TMED8: variants seen among roughly 807,000 people sequenced by gnomAD.
The protein encoded by TMED8 is protein TMED8.
Under a neutral mutation model 32.7 loss-of-function variants are expected in TMED8, and 15 were observed. That is an observed-to-expected ratio of 0.46 (90% CI 0.31 to 0.71). The LOEUF (loss-of-function observed/expected upper bound fraction) is 0.71, where lower values mean the gene tolerates loss of function less well. Among genes scored for constraint, TMED8 ranks in the 30% least tolerant of loss-of-function variants. The pLI, the probability that TMED8 is intolerant of heterozygous loss-of-function variation, is 0.06. For missense variants in TMED8, 390 were observed against 423.9 expected (o/e 0.92, Z 0.70); for synonymous variants, 147 against 161.4 (o/e 0.91, Z 0.68).
At chr14:77,344,039 G>C (rs1232772660) in intron 3 of TMED8, among the ~76,000 whole-genome samples, 2 of 152,148 alleles carry the variant, frequency 1.3e-5, no homozygotes, top group African/African-American at 4.8e-5. Flanking sequence ...ATTGTTTAAA[G>C]ACTGTTTCCT....
Position 77,354,752 on chromosome 14 carries a change from A to G in TMED8, c.119-3001T>C, listed in dbSNP as rs536340068. Among the ~76,000 whole-genome samples, 143 of 152,240 alleles carry G rather than the reference A, an allele frequency of 9.4e-4. 1 individual carries two copies. Among genetic ancestry groups the G allele is most frequent in the Non-Finnish European group, 1.7e-3 (114 of 68,004 alleles). On this transcript the variant is annotated intron_variant, in intron 1 of 5. Transcript: ENST00000216468. ...GTGGATCACCTGAGGTCAGGAGTTCAAGACCAGCCCGGCCAACACGGCAAA... is the reference window on the plus strand; with the variant it reads ...GTGGATCACCTGAGGTCAGGAGTTCGAGACCAGCCCGGCCAACACGGCAAA...
At chr14:77,364,624 C>A (rs142028334) in intron 1 of TMED8, among the ~76,000 whole-genome samples, 2 of 152,088 alleles carry the variant, frequency 1.3e-5, no homozygotes, top group Non-Finnish European at 2.9e-5. Context: ...AACTCTTGGG[C>A]TCAAGTGATC....
intron 1 of TMED8, 129 bp from the exon 2 acceptor site, chr14:77,351,880 A>G: frequency 3.3e-6 from 2 of 611,982 alleles, no homozygotes; most frequent in Non-Finnish European, 5.4e-6. Flanking sequence ...TGAACTTTAT[A>G]CTCTCAGAGG....
chr14:77,350,418 A>T (rs1240997777), intron 2 of TMED8, among the ~76,000 whole-genome samples: 1 of 152,222 alleles, frequency 6.6e-6, no homozygotes, highest in Non-Finnish European at 1.5e-5. Context: ...CCCAACAAAC[A>T]TCTGTTGAAT....
At chr14:77,363,422 TATAAC>T (rs1401207698) in intron 1 of TMED8, among the ~76,000 whole-genome samples, 10 of 152,032 alleles carry the variant, frequency 6.6e-5, no homozygotes, top group African/African-American at 1.9e-4. Context: ...AGAATGGAAA[TATAAC>T]ATACTAAAAC....
intron 2 of TMED8, among the ~76,000 whole-genome samples, chr14:77,348,262 C>T (rs940171433): frequency 4.7e-5 from 7 of 148,356 alleles, no homozygotes; most frequent in Admixed American, 1.4e-4. Flanking sequence ...CTCACTCTGT[C>T]GCCCAGGCTG....
At position 77,343,271 on chromosome 14, in the gene TMED8, A is replaced by G. The variant is rs755448104; in HGVS notation, c.667T>C (p.Trp223Arg). 2.5e-6 allele frequency: 4 copies of G among 1,614,190 alleles called. No homozygotes were observed. Among genetic ancestry groups the G allele is most frequent in the Non-Finnish European group, 3.4e-6 (4 of 1,180,038 alleles). Residue 223 changes from tryptophan (W) to arginine (R), a missense_variant, in exon 5 of 6, where the codon TGG becomes CGG. By Grantham distance (101) the Trp-to-Arg change is moderately radical. Transcript: ENST00000216468. ...YDIGFGVYFD[W>R]TPVTSTDITV... ...ATGTCAGTGCTAGTTACAGGGGTCC[A>G]GTCAAAATAAACTCCAAAGCCAATG... is the stretch of plus-strand genomic sequence containing the variant.
rs148766827 is a variant in TMED8, at chr14:77,359,826, G to C, written c.119-8075C>G. Reference sequence around the variant, plus strand: ...TGTGGTACAGGATGATATCATCATGGGCACTCTGACAGTGAGAAAAAATTT... The same window carrying C: ...TGTGGTACAGGATGATATCATCATGCGCACTCTGACAGTGAGAAAAAATTT... On this transcript the variant is annotated intron_variant, in intron 1 of 5. Transcript: ENST00000216468. The C allele has an allele frequency of 6.8e-3, 1,309 of 191,794 alleles. 9 individuals are homozygous for C. The highest frequency in any genetic ancestry group is 0.033 in the Middle Eastern group (54 of 1,658). The allele number at this position is 191,794 out of a possible 1,614,324, so 11.9% of individuals were successfully genotyped here.
intron 1 of TMED8, among the ~76,000 whole-genome samples, chr14:77,372,361 G>GT (rs1370115976): frequency 1.3e-5 from 2 of 152,220 alleles, no homozygotes; most frequent in Admixed American, 6.5e-5. Context: ...CAAAAAGCAG[G>GT]TTTTTTTCAA....
At chr14:77,354,021 T>C (rs1893237879) in intron 1 of TMED8, among the ~76,000 whole-genome samples, 1 of 152,188 alleles carries the variant, frequency 6.6e-6, no homozygotes, top group Non-Finnish European at 1.5e-5. Flanking sequence ...GGCTGTCACA[T>C]TTCCACAAGT....
chr14:77,365,648 T>C (rs1021794380), intron 1 of TMED8, among the ~76,000 whole-genome samples: 4 of 152,196 alleles, frequency 2.6e-5, no homozygotes, highest in African/African-American at 9.7e-5. Flanking sequence ...GTCCCAGTGA[T>C]TTAACTTGAT....
intron 1 of TMED8, among the ~76,000 whole-genome samples, chr14:77,353,961 C>A (rs1893236164): frequency 6.6e-6 from 1 of 152,182 alleles, no homozygotes; most frequent in Admixed American, 6.5e-5. Context: ...CTAATAAATT[C>A]TACTCTTTGA....
intron 1 of TMED8, among the ~76,000 whole-genome samples, chr14:77,360,559 CT>C (rs137953000): frequency 0.11 from 16,952 of 152,126 alleles, 1,765 homozygotes; most frequent in African/African-American, 0.27. Context: ...TAATATTCCT[CT>C]GTGTGTATGT....
At position 77,336,055 on chromosome 14, in the gene TMED8, A is replaced by G. The variant is rs986697678; in HGVS notation, c.*5716T>C. The G allele has an allele frequency of 1.3e-5, 2 of 152,150 alleles. No individual in the cohort carries two copies. Among genetic ancestry groups the G allele is most frequent in the Non-Finnish European group, 2.9e-5 (2 of 68,016 alleles). The allele number at this position is 152,150 out of a possible 1,614,324, so 9.4% of individuals were successfully genotyped here. A position where few individuals can be genotyped will look rare whatever the true frequency, so the allele number is the denominator to read the frequency against. On this transcript the variant is annotated 3_prime_UTR_variant, in exon 6 of 6. Coordinates refer to ENST00000216468, the MANE Select transcript of TMED8 (RefSeq NM_213601.3). ...GAGAGTTCAGGAAGAGAGCCCCTTA[A>G]ACTCTGAATTAAGGGCTCTTTGGTA...
Position 77,338,636 on chromosome 14 carries a change from A to T in TMED8, c.*3135T>A, listed in dbSNP as rs780764541. Reference sequence around the variant, plus strand: ...TTGCCTGGACCTTCTGTCTCCCTCAAATGTATAAAACTGTAACCCGACTAC... The same window carrying T: ...TTGCCTGGACCTTCTGTCTCCCTCATATGTATAAAACTGTAACCCGACTAC... On this transcript the variant is annotated 3_prime_UTR_variant, in exon 6 of 6. Transcript: ENST00000216468. The T allele has an allele frequency of 6.6e-6, 1 of 152,174 alleles. No individual in the cohort carries two copies. Among genetic ancestry groups the T allele is most frequent in the Non-Finnish European group, 1.5e-5 (1 of 68,040 alleles). 9.4% of individuals were successfully genotyped at this position (152,174 alleles called of 1,614,324 possible).
rs1566683797 is a variant in TMED8, at chr14:77,343,274, CA to C, written c.663del (p.Phe221LeufsTer6). 6.2e-7 allele frequency: 1 copy of C among 1,614,142 alleles called. No individual in the cohort carries two copies. Among genetic ancestry groups the C allele is most frequent in the East Asian group, 2.2e-5 (1 of 44,880 alleles). On this transcript the variant is annotated frameshift_variant, in exon 5 of 6. Transcript: ENST00000216468. LOFTEE classifies it high-confidence loss of function. ...TCAGTGCTAGTTACAGGGGTCCAGTCAAAATAAACTCCAAAGCCAATGTCAT... is the reference window on the plus strand; with the variant it reads ...TCAGTGCTAGTTACAGGGGTCCAGTCAAATAAACTCCAAAGCCAATGTCAT... ...DDYDIGFGVY[F>X]DWTPVTSTDI...
chr14:77,345,187 A>G (rs1017979611), intron 3 of TMED8, among the ~76,000 whole-genome samples: 16 of 152,036 alleles, frequency 1.1e-4, no homozygotes, highest in African/African-American at 2.9e-4. Context: ...GGGTTTTTCC[A>G]TGTTGGTCAG....
chr14:77,351,783 T>A, intron 1 of TMED8, 32 bp from the exon 2 acceptor site: 1 of 1,551,802 alleles, frequency 6.4e-7, no homozygotes, highest in Non-Finnish European at 8.8e-7. Flanking sequence ...GAATTCAATA[T>A]CTGAGAGGGA....
chr14:77,367,061 A>G (rs1238894944), intron 1 of TMED8, among the ~76,000 whole-genome samples: 1 of 151,828 alleles, frequency 6.6e-6, no homozygotes, highest in Non-Finnish European at 1.5e-5. Context: ...CCTGGCCAAC[A>G]TGGTAAAACC....
Sources: allele counts gnomAD v4.1 joint callset (sites outside exome capture counted in the v4.1 genomes callset), GRCh38; gene constraint gnomAD v4.1.1; transcripts MANE v1.5; gene names NCBI Gene and HGNC (gene_info 2026-07-23, HGNC 2026-07-21).